The following NKAIN2 variants were observed in gnomAD, a reference collection of about 807,000 sequenced individuals.
NKAIN2 encodes the protein sodium/potassium-transporting ATPase subunit beta-1-interacting protein 2.
In NKAIN2, 14 loss-of-function variants were observed where a neutral mutation model predicts 32.6. That is an observed-to-expected ratio of 0.43 (90% CI 0.28 to 0.67). NKAIN2 has a LOEUF of 0.67. Among genes scored for constraint, NKAIN2 ranks in the 30% least tolerant of loss-of-function variants. NKAIN2 has a pLI of 0.17. For synonymous variants in NKAIN2, 80 were observed against 87.2 expected, an observed-to-expected ratio of 0.92 and a Z score of 0.46; for missense variants, 198 against 258.3, an observed-to-expected ratio of 0.77 and a Z score of 1.60.
At chr6:124,698,928 T>A (rs1409537522) in intron 4 of NKAIN2, among the ~76,000 whole-genome samples, 1 of 152,088 alleles carries the variant, frequency 6.6e-6, no homozygotes, top group Admixed American at 6.6e-5. Flanking sequence ...TAGTGCAGGG[T>A]AAAGGTTGAG....
In NKAIN2 at chr6:124,015,530, T is replaced by C. The variant is rs540710533; in HGVS notation, c.54+211276T>C. The stretch of plus-strand genomic sequence containing the variant: ...TGCTTCATGCTTGAAAGTATTTTAT[T>C]GGATCATTTGATAGTTCATTAAAGA... On this transcript the variant is annotated intron_variant, in intron 1 of 6. Coordinates refer to ENST00000368417, the MANE Select transcript of NKAIN2 (RefSeq NM_001040214.3). Among the ~76,000 whole-genome samples, 18 of 152,286 alleles carry C rather than the reference T, an allele frequency of 1.2e-4. 1 individual carries two copies. Among genetic ancestry groups the C allele is most frequent in the African/African-American group, 4.3e-4 (18 of 41,574 alleles).
At chr6:124,476,924 A>G (rs1047222409) in intron 3 of NKAIN2, among the ~76,000 whole-genome samples, 3 of 152,170 alleles carry the variant, frequency 2.0e-5, no homozygotes, top group African/African-American at 7.2e-5. Context: ...GACAGCATCA[A>G]AATTCATGTA....
chr6:124,335,111 C>A (rs1414607960), intron 2 of NKAIN2, among the ~76,000 whole-genome samples: 1 of 144,878 alleles, frequency 6.9e-6, no homozygotes, highest in Non-Finnish European at 1.5e-5. Flanking sequence ...CCTATCCTGT[C>A]ACTTGTGTAG....
intron 1 of NKAIN2, among the ~76,000 whole-genome samples, chr6:124,145,609 C>T (rs1050027145): frequency 7.2e-5 from 11 of 151,974 alleles, no homozygotes; most frequent in Non-Finnish European, 1.5e-4. Context: ...GGGTTCACGC[C>T]ATTCTCCTGC....
intron 2 of NKAIN2, among the ~76,000 whole-genome samples, chr6:124,290,882 A>T (rs554999964): frequency 6.6e-6 from 1 of 151,986 alleles, no homozygotes; most frequent in South Asian, 2.1e-4. Flanking sequence ...TTTTAATGCA[A>T]TGTTCTTCTT....
At chr6:124,581,512 A>G (rs1781525678) in intron 3 of NKAIN2, among the ~76,000 whole-genome samples, 1 of 151,762 alleles carries the variant, frequency 6.6e-6, no homozygotes, top group African/African-American at 2.4e-5. Flanking sequence ...AAATAAAACT[A>G]GTAGATATTT....
intron 3 of NKAIN2, among the ~76,000 whole-genome samples, chr6:124,606,673 C>T (rs548603694): frequency 8.3e-4 from 126 of 152,036 alleles, no homozygotes; most frequent in Non-Finnish European, 1.6e-3. Context: ...ATTAAAAATA[C>T]TTTATTGATG....
chr6:124,652,203 A>AG (rs2114401144), intron 3 of NKAIN2, among the ~76,000 whole-genome samples: 1 of 152,320 alleles, frequency 6.6e-6, no homozygotes, highest in East Asian at 1.9e-4. Flanking sequence ...CTGCCACTTT[A>AG]TATCAAGGAT....
intron 1 of NKAIN2, among the ~76,000 whole-genome samples, chr6:123,929,775 T>C (rs1241764811): frequency 6.6e-6 from 1 of 152,072 alleles, no homozygotes; most frequent in Non-Finnish European, 1.5e-5. Context: ...ACCAGAAGTA[T>C]TTCAGATTTC....
chr6:124,053,466 T>G (rs1782502406), intron 1 of NKAIN2, among the ~76,000 whole-genome samples: 1 of 152,104 alleles, frequency 6.6e-6, no homozygotes, highest in South Asian at 2.1e-4. Context: ...ACAGGCTGTT[T>G]GCTATACCTC....
intron 4 of NKAIN2, 126 bp downstream of exon 4, chr6:124,658,512 C>T (rs548777231): frequency 1.3e-4 from 195 of 1,507,076 alleles, no homozygotes; most frequent in African/African-American, 3.2e-4. Context: ...CTCATTAATG[C>T]GACTTTTAAC....
At chr6:124,105,297 T>C (rs1785068143) in intron 1 of NKAIN2, among the ~76,000 whole-genome samples, 1 of 151,894 alleles carries the variant, frequency 6.6e-6, no homozygotes, top group African/African-American at 2.4e-5. Context: ...ACTGACCTAA[T>C]CTTTGGAGAT....
intron 1 of NKAIN2, among the ~76,000 whole-genome samples, chr6:124,067,510 A>G (rs1249273278): frequency 4.6e-5 from 7 of 152,206 alleles, no homozygotes. Context: ...AGGACCAGAT[A>G]TCTAATTACC....
At chr6:124,034,072 T>C (rs1206690764) in intron 1 of NKAIN2, among the ~76,000 whole-genome samples, 2 of 152,122 alleles carry the variant, frequency 1.3e-5, no homozygotes, top group Non-Finnish European at 2.9e-5. Context: ...TTCAGCTGTT[T>C]TGAGGGTTTG....
At chr6:124,170,451 G>A (rs1788788294) in intron 1 of NKAIN2, among the ~76,000 whole-genome samples, 1 of 152,068 alleles carries the variant, frequency 6.6e-6, no homozygotes, top group Non-Finnish European at 1.5e-5. Flanking sequence ...AAGTATGCAG[G>A]GAGAAGTATC....
intron 1 of NKAIN2, among the ~76,000 whole-genome samples, chr6:123,860,099 C>A (rs1428943272): frequency 6.6e-6 from 1 of 152,130 alleles, no homozygotes; most frequent in African/African-American, 2.4e-5. Context: ...ACAGTGGAAG[C>A]ACTTCTACTT....
chr6:124,278,988 C>A lies in NKAIN2; in HGVS notation c.55-4017C>A, dbSNP rs112274846. On this transcript the variant is annotated intron_variant, in intron 1 of 6. Coordinates refer to ENST00000368417, the MANE Select transcript of NKAIN2 (RefSeq NM_001040214.3). ...AATGTATAAAAACCTCATGACACAT[C>A]ACTAAGTGAGAAACACAAGGTGAAA... Among the ~76,000 whole-genome samples, 834 of 152,144 alleles carry A rather than the reference C, an allele frequency of 5.5e-3. 7 individuals carry two copies. Among genetic ancestry groups the A allele is most frequent in the African/African-American group, 0.019 (784 of 41,514 alleles).
At chr6:124,387,243 C>A (rs1360640974) in intron 3 of NKAIN2, among the ~76,000 whole-genome samples, 1 of 151,366 alleles carries the variant, frequency 6.6e-6, no homozygotes, top group Non-Finnish European at 1.5e-5. Flanking sequence ...GCAGTGACAT[C>A]ATGTGTCTTT....
chr6:124,428,531 T>C (rs1429248619), intron 3 of NKAIN2, among the ~76,000 whole-genome samples: 3 of 152,190 alleles, frequency 2.0e-5, no homozygotes, highest in African/African-American at 7.2e-5. Flanking sequence ...TAGAAGTTGA[T>C]GATTCTCATT....
Sources: allele counts gnomAD v4.1 joint callset (sites outside exome capture counted in the v4.1 genomes callset), GRCh38; gene constraint gnomAD v4.1.1; transcripts MANE v1.5; gene names NCBI Gene and HGNC (gene_info 2026-07-23, HGNC 2026-07-21).